Variants in CYB5R4 observed in about 807,000 individuals in gnomAD.
The protein encoded by CYB5R4 is cytochrome b5 reductase 4.
In CYB5R4, 55 loss-of-function variants were observed where a neutral mutation model predicts 70.2. That is an observed-to-expected ratio of 0.78 (90% CI 0.63 to 0.98). The LOEUF (loss-of-function observed/expected upper bound fraction) is 0.98, where lower values mean the gene tolerates loss of function less well. CYB5R4 is among the 50% of genes least tolerant of loss of function. The probability of loss-of-function intolerance (pLI) is 0.00; values close to 1 mark genes in which losing one functional copy is unlikely to be tolerated. For synonymous variants in CYB5R4, 197 were observed against 199.5 expected (o/e 0.99, Z 0.11); for missense variants, 562 against 612.6 (o/e 0.92, Z 0.87).
At chr6:83,959,575 A>G (rs774624185) in intron 15 of CYB5R4, among the ~76,000 whole-genome samples, 9 of 152,174 alleles carry the variant, frequency 5.9e-5, no homozygotes, top group Non-Finnish European at 1.3e-4. Flanking sequence ...CTATTGATTG[A>G]AACTATTTTT....
chr6:83,924,563 A>G lies in CYB5R4; in HGVS notation c.785A>G (p.His262Arg), dbSNP rs369152891. ...TTTCTTGGCCATCCCCTGAAGAATCATAATTCACTTATTCCAAGGAAAGAT... is the reference window on the plus strand; with the variant it reads ...TTTCTTGGCCATCCCCTGAAGAATCGTAATTCACTTATTCCAAGGAAAGAT... ...WDFLGHPLKNHNSLIPRKDTG... is the reference protein window; with the variant it reads ...WDFLGHPLKNRNSLIPRKDTG... The change falls in exon 10 of 16, where the codon CAT becomes CGT. Residue 262 changes from histidine (H) to arginine (R), a missense_variant. By Grantham distance (29) the His-to-Arg change is conservative (BLOSUM62 0). Transcript: ENST00000369681. 2 of 1,613,626 alleles carry G rather than the reference A, an allele frequency of 1.2e-6. No homozygotes were observed. The highest frequency in any genetic ancestry group is 1.7e-6 in the Non-Finnish European group (2 of 1,179,704).
At chr6:83,949,138 G>T (rs1482534141) in intron 14 of CYB5R4, among the ~76,000 whole-genome samples, 1 of 148,640 alleles carries the variant, frequency 6.7e-6, no homozygotes, top group Non-Finnish European at 1.5e-5. Flanking sequence ...TTTTAGTGAG[G>T]TCAGGTCAAG....
chr6:83,899,473 GC>G (rs1562833700), intron 3 of CYB5R4, among the ~76,000 whole-genome samples: 1 of 152,136 alleles, frequency 6.6e-6, no homozygotes, highest in African/African-American at 2.4e-5. Context: ...GATGATGCTG[GC>G]CTCATAAAAT....
chr6:83,922,434 C>G lies in CYB5R4; in HGVS notation c.659-4C>G, dbSNP rs752146972. On this transcript the variant is annotated splice_region_variant and splice_polypyrimidine_tract_variant and intron_variant, in intron 8 of 15. Coordinates refer to ENST00000369681, the MANE Select transcript of CYB5R4 (RefSeq NM_016230.4). ...TTTTAACTAAATAAATTTGTCTGTCCTAGGGCTAAGCCATGAGGTTCAGGA... is the reference window on the plus strand; with the variant it reads ...TTTTAACTAAATAAATTTGTCTGTCGTAGGGCTAAGCCATGAGGTTCAGGA... 1 of 1,611,950 alleles carries G rather than the reference C, an allele frequency of 6.2e-7. No homozygotes were observed. The highest frequency in any genetic ancestry group is 8.5e-7 in the Non-Finnish European group (1 of 1,179,180).
At chr6:83,864,675 T>TA (rs2099456473) in intron 2 of CYB5R4, among the ~76,000 whole-genome samples, 1 of 152,156 alleles carries the variant, frequency 6.6e-6, no homozygotes, top group Non-Finnish European at 1.5e-5. Flanking sequence ...CAGAGCCTTA[T>TA]AACAGAATTC....
chr6:83,871,082 G>A (rs2099457552), intron 2 of CYB5R4, among the ~76,000 whole-genome samples: 1 of 149,680 alleles, frequency 6.7e-6, no homozygotes, highest in African/African-American at 2.5e-5. Flanking sequence ...GTTCAAGCGA[G>A]TCTCCTGCCC....
intron 2 of CYB5R4, among the ~76,000 whole-genome samples, chr6:83,882,167 G>A (rs1189354049): frequency 6.6e-6 from 1 of 152,190 alleles, no homozygotes; most frequent in Non-Finnish European, 1.5e-5. Context: ...ATGTCACTGT[G>A]TGAGTTTCCC....
intron 3 of CYB5R4, among the ~76,000 whole-genome samples, chr6:83,899,120 C>A (rs1272668478): frequency 6.6e-6 from 1 of 152,136 alleles, no homozygotes; most frequent in Middle Eastern, 3.4e-3. Flanking sequence ...ATAGCTCTTA[C>A]TGTTTTGAGA....
At chr6:83,958,476 TAC>T (rs781659659) in intron 15 of CYB5R4, among the ~76,000 whole-genome samples, 8 of 152,160 alleles carry the variant, frequency 5.3e-5, no homozygotes, top group Non-Finnish European at 1.0e-4. Flanking sequence ...GACTAAAACC[TAC>T]CAGTCAAGAG....
chr6:83,946,234 T>G (rs2099470589), intron 14 of CYB5R4, among the ~76,000 whole-genome samples: 1 of 152,210 alleles, frequency 6.6e-6, no homozygotes, highest in Non-Finnish European at 1.5e-5. Flanking sequence ...CACGATCAAG[T>G]GGGCTTTATC....
rs758690981 is a variant in CYB5R4, at chr6:83,924,463, T to C, written c.692-7T>C. ...ATGAACACAAATGGAATTTATCTTCTTTTCAGTGCGGGTTGTTGAGAGTGT... is the reference window on the plus strand; with the variant it reads ...ATGAACACAAATGGAATTTATCTTCCTTTCAGTGCGGGTTGTTGAGAGTGT... On this transcript the variant is annotated splice_polypyrimidine_tract_variant and splice_region_variant and intron_variant, in intron 9 of 15. Coordinates refer to ENST00000369681, the MANE Select transcript of CYB5R4 (RefSeq NM_016230.4). The C allele has an allele frequency of 6.2e-7, 1 of 1,611,034 alleles. No homozygotes were observed. The highest frequency in any genetic ancestry group is 8.5e-7 in the Non-Finnish European group (1 of 1,179,022).
chr6:83,889,282 C>T (rs61762797), intron 2 of CYB5R4, among the ~76,000 whole-genome samples: 6,489 of 152,258 alleles, frequency 0.043, 139 homozygotes, highest in Middle Eastern at 0.048. Flanking sequence ...AAAGATGCCA[C>T]GTAGGAATTT....
intron 4 of CYB5R4, among the ~76,000 whole-genome samples, chr6:83,911,804 G>T (rs773986636): frequency 2.0e-5 from 3 of 151,994 alleles, no homozygotes; most frequent in Non-Finnish European, 4.4e-5. Context: ...AGCACTTTGG[G>T]ATGCCAAGGC....
rs956260739 is a variant in CYB5R4 at position 83,914,463 on chromosome 6, T to C, written c.445+15T>C. 9 of 1,499,262 alleles carry C rather than the reference T, an allele frequency of 6.0e-6. No homozygotes were observed. Among genetic ancestry groups the C allele is most frequent in the African/African-American group, 1.4e-5 (1 of 71,444 alleles). 92.9% of individuals were successfully genotyped at this position (1,499,262 alleles called of 1,614,324 possible). On this transcript the variant is annotated intron_variant, in intron 5 of 15. Transcript: ENST00000369681. ...AGTCTTAAATGGTAAGTCTATAAAT[T>C]TATAATAAATGAATCATATTCACAT...
chr6:83,950,250 C>G (rs2099471314), intron 14 of CYB5R4, among the ~76,000 whole-genome samples: 1 of 152,154 alleles, frequency 6.6e-6, no homozygotes, highest in African/African-American at 2.4e-5. Flanking sequence ...ACTGTTCTAG[C>G]AATTGGGATT....
chr6:83,922,557 G>T (rs1013257781), intron 9 of CYB5R4, 87 bp downstream of exon 9: 2 of 892,654 alleles, frequency 2.2e-6, no homozygotes, highest in African/African-American at 1.7e-5. Flanking sequence ...TGAAAAATTA[G>T]CATTTGTTTT....
intron 10 of CYB5R4, chr6:83,929,618 G>C (rs2099467846): frequency 6.6e-6 from 1 of 151,852 alleles, no homozygotes; most frequent in Non-Finnish European, 1.5e-5. Context: ...GTAGCTCTGG[G>C]GGGTGTGTGG....
intron 2 of CYB5R4, among the ~76,000 whole-genome samples, chr6:83,875,349 G>A (rs9449711): frequency 0.16 from 23,988 of 151,862 alleles, 3,754 homozygotes; most frequent in African/African-American, 0.39. Flanking sequence ...GGGCTTAAGC[G>A]GTCCTCCTAT....
rs144011539 is a variant in CYB5R4 at position 83,900,469 on chromosome 6, G to A, written c.330+6847G>A. Among the ~76,000 whole-genome samples the A allele has an allele frequency of 1.5e-3, 234 of 152,288 alleles. 1 individual carries two copies. Among genetic ancestry groups the A allele is most frequent in the Non-Finnish European group, 2.6e-3 (178 of 68,010 alleles). On this transcript the variant is annotated intron_variant, in intron 3 of 15. Transcript: ENST00000369681. Reference sequence around the variant, plus strand: ...TTGATTTGGGGTGGAGAGTTCTGTAGCTGTCTATTAGGTCCACTTGGTGCA... The same window carrying A: ...TTGATTTGGGGTGGAGAGTTCTGTAACTGTCTATTAGGTCCACTTGGTGCA...
Sources: allele counts gnomAD v4.1 joint callset (sites outside exome capture counted in the v4.1 genomes callset), GRCh38; gene constraint gnomAD v4.1.1; transcripts MANE v1.5; gene names NCBI Gene and HGNC (gene_info 2026-07-23, HGNC 2026-07-21).